The following TRDN variants were observed in gnomAD, a reference collection of about 807,000 sequenced individuals.
TRDN encodes triadin.
Under a neutral mutation model 149.7 loss-of-function variants are expected in TRDN, and 161 were observed. The ratio of observed to expected loss-of-function variants is 1.08; its 90% CI spans 0.95 to 1.23. The LOEUF (loss-of-function observed/expected upper bound fraction) is 1.23, where lower values mean the gene tolerates loss of function less well. Ranked by LOEUF, TRDN falls within the 50% of genes most tolerant of loss-of-function variation. The probability of loss-of-function intolerance (pLI) is 0.00; values close to 1 mark genes in which losing one functional copy is unlikely to be tolerated. For missense variants in TRDN, 896 were observed against 823.5 expected (o/e 1.09, Z -1.08); for synonymous variants, 294 against 250.5 (o/e 1.17, Z -1.64).
intron 4 of TRDN, among the ~76,000 whole-genome samples, chr6:123,534,449 G>T (rs1780416856): frequency 6.6e-6 from 1 of 152,152 alleles, no homozygotes; most frequent in African/African-American, 2.4e-5. Context: ...GGAGAATCCA[G>T]TAAAGCCTCC....
At chr6:123,512,036 A>G (rs1046508896) in intron 7 of TRDN, among the ~76,000 whole-genome samples, 1 of 147,344 alleles carries the variant, frequency 6.8e-6, no homozygotes, top group Non-Finnish European at 1.5e-5. Flanking sequence ...CATAGGGATG[A>G]CACCAAGGGG....
intron 5 of TRDN, among the ~76,000 whole-genome samples, chr6:123,519,838 T>C (rs1779592777): frequency 6.6e-6 from 1 of 152,176 alleles, no homozygotes; most frequent in African/African-American, 2.4e-5. Flanking sequence ...TGATTTTTCT[T>C]TTAACTAATT....
intron 23 of TRDN, 30 bp downstream of exon 23, chr6:123,331,849 G>A: frequency 6.9e-7 from 1 of 1,458,584 alleles, no homozygotes; most frequent in Admixed American, 2.3e-5. Context: ...GCAGATCAAT[G>A]TGGCTTCACA....
At chr6:123,540,566 C>G (rs1240467294) in intron 4 of TRDN, among the ~76,000 whole-genome samples, 1 of 152,234 alleles carries the variant, frequency 6.6e-6, no homozygotes, top group African/African-American at 2.4e-5. Flanking sequence ...GTCACCCAGA[C>G]TGGAGTGCAG....
intron 1 of TRDN, among the ~76,000 whole-genome samples, chr6:123,598,461 A>C (rs1393798851): frequency 6.6e-6 from 1 of 152,046 alleles, no homozygotes; most frequent in Admixed American, 6.6e-5. Flanking sequence ...CCTAGCTCCC[A>C]TTACTCATCC....
At chr6:123,584,178 T>C (rs1783291457) in intron 1 of TRDN, among the ~76,000 whole-genome samples, 1 of 152,064 alleles carries the variant, frequency 6.6e-6, no homozygotes, top group Non-Finnish European at 1.5e-5. Flanking sequence ...GGAGGCTGGA[T>C]TGAAGTCCGG....
chr6:123,235,800 C>T (rs1206584261), intron 38 of TRDN, among the ~76,000 whole-genome samples: 3 of 152,062 alleles, frequency 2.0e-5, no homozygotes, highest in Non-Finnish European at 4.4e-5. Flanking sequence ...GAAAACTTCC[C>T]GTATGGAACC....
rs535465060 is a variant in TRDN, at chr6:123,268,164, C to A, written c.1739-413G>T. Among the ~76,000 whole-genome samples the A allele has an allele frequency of 7.2e-5, 11 of 152,020 alleles. No individual in the cohort carries two copies. The South Asian group carries it at 2.1e-3, about 29-fold the overall frequency. Reference sequence around the variant, plus strand: ...TTTTTTCCTCTTTGAATCCTAGTAACCTTCTTGCCAGTTAGAAGCAATGCA... The same window carrying A: ...TTTTTTCCTCTTTGAATCCTAGTAAACTTCTTGCCAGTTAGAAGCAATGCA... On this transcript the variant is annotated intron_variant, in intron 31 of 40. Coordinates refer to ENST00000334268, the MANE Select transcript of TRDN (RefSeq NM_006073.4).
At chr6:123,332,313 T>C (rs1582882915) in intron 22 of TRDN, among the ~76,000 whole-genome samples, 1 of 20,302 alleles carries the variant, frequency 4.9e-5, no homozygotes. Context: ...CCACATTTTG[T>C]CAAAAAATAA....
chr6:123,502,338 T>A, intron 8 of TRDN: 1 of 793,412 alleles, frequency 1.3e-6, no homozygotes, highest in Non-Finnish European at 1.5e-6. Context: ...AACTTTTAAA[T>A]TTTTTTCATG....
At chr6:123,300,029 T>A (rs1778346305) in intron 24 of TRDN, among the ~76,000 whole-genome samples, 1 of 152,072 alleles carries the variant, frequency 6.6e-6, no homozygotes, top group South Asian at 2.1e-4. Flanking sequence ...GTCAAGTGTT[T>A]AAGAAGCTTC....
intron 4 of TRDN, among the ~76,000 whole-genome samples, chr6:123,541,517 A>G (rs984577658): frequency 2.0e-5 from 3 of 151,932 alleles, no homozygotes; most frequent in Admixed American, 6.5e-5. Flanking sequence ...CCTACTGTCT[A>G]TTCTCTCTGG....
chr6:123,412,568 T>C (rs1401369398), intron 12 of TRDN, among the ~76,000 whole-genome samples: 1 of 152,156 alleles, frequency 6.6e-6, no homozygotes, highest in Non-Finnish European at 1.5e-5. Flanking sequence ...TAGAATTTCA[T>C]TGTGGTATAG....
chr6:123,542,859 C>T (rs1198290787), intron 4 of TRDN, among the ~76,000 whole-genome samples: 2 of 147,004 alleles, frequency 1.4e-5, no homozygotes, highest in East Asian at 2.0e-4. Flanking sequence ...TGCATGTTTG[C>T]GTGTGTGTGT....
At chr6:123,504,563 C>A (rs181022933) in intron 7 of TRDN, among the ~76,000 whole-genome samples, 1 of 151,714 alleles carries the variant, frequency 6.6e-6, no homozygotes, top group Non-Finnish European at 1.5e-5. Context: ...CTTAAGTCAG[C>A]GATAATTCTA....
chr6:123,368,795 A>G (rs941859444), intron 19 of TRDN, among the ~76,000 whole-genome samples: 10 of 152,072 alleles, frequency 6.6e-5, no homozygotes, highest in Admixed American at 2.0e-4. Flanking sequence ...CTCCCATTAT[A>G]CGGTATCTGA....
chr6:123,400,486 G>T (rs1201184557), intron 12 of TRDN, among the ~76,000 whole-genome samples: 1 of 152,034 alleles, frequency 6.6e-6, no homozygotes, highest in Non-Finnish European at 1.5e-5. Context: ...TAGATCCCTA[G>T]CATGAGCAAT....
At position 123,393,499 on chromosome 6, in the gene TRDN, A is replaced by AAT. The variant is rs879342610; in HGVS notation, c.1105+123_1105+124dup. On this transcript the variant is annotated intron_variant, in intron 13 of 40. Coordinates refer to ENST00000334268, the MANE Select transcript of TRDN (RefSeq NM_006073.4). ...CTTGAACTGTGTATTTTCATTCAACAATATTTTTTTTGCAATATCCCAGCA... is the reference window on the plus strand; with the variant it reads ...CTTGAACTGTGTATTTTCATTCAACAATATATTTTTTTTGCAATATCCCAGCA... 305 of 831,642 alleles carry AAT rather than the reference A, an allele frequency of 3.7e-4. 1 individual carries two copies. The highest frequency in any genetic ancestry group is 1.6e-3 in the Admixed American group (49 of 31,474). The allele number at this position is 831,642 out of a possible 1,614,324, so 51.5% of individuals were successfully genotyped here.
chr6:123,551,342 T>TATACACACACAC (rs1554256527), intron 2 of TRDN, among the ~76,000 whole-genome samples: 2 of 141,102 alleles, frequency 1.4e-5, no homozygotes, highest in African/African-American at 5.4e-5. Context: ...AAAACCTAAA[T>TATACACACACAC]ACACACACAC....
Sources: allele counts gnomAD v4.1 joint callset (sites outside exome capture counted in the v4.1 genomes callset), GRCh38; gene constraint gnomAD v4.1.1; transcripts MANE v1.5; gene names NCBI Gene and HGNC (gene_info 2026-07-23, HGNC 2026-07-21).